VWA3B: variants seen among roughly 807,000 people sequenced by gnomAD.
VWA3B encodes the protein von Willebrand factor A domain containing 3B.
In VWA3B, 138 loss-of-function variants were observed where a neutral mutation model predicts 158.3. That is an observed-to-expected ratio of 0.87 (90% CI 0.76 to 1.00). VWA3B has a LOEUF of 1.00. Ranked by LOEUF, VWA3B falls within the 50% of genes least tolerant of loss-of-function variation. The pLI, the probability that VWA3B is intolerant of heterozygous loss-of-function variation, is 0.00. For synonymous variants in VWA3B, 596 were observed against 587.3 expected (o/e 1.01, Z -0.21); for missense variants, 1,555 against 1,565.1 (o/e 0.99, Z 0.11).
At chr2:98,316,749 A>G (rs539331422), downstream of VWA3B, among the ~76,000 whole-genome samples, 7 of 151,914 alleles carry the variant, frequency 4.6e-5, no homozygotes, top group East Asian at 1.4e-3. Flanking sequence ...CTTTAGTACC[A>G]TCCCTCCTGG....
chr2:98,145,222 A>G (rs749090797), intron 7 of VWA3B, among the ~76,000 whole-genome samples: 6 of 152,192 alleles, frequency 3.9e-5, no homozygotes, highest in Admixed American at 1.3e-4. Context: ...CTTGGATTGT[A>G]TCTTTAAATA....
chr2:98,295,474 C>T (rs1689746318), intron 23 of VWA3B, among the ~76,000 whole-genome samples: 1 of 152,196 alleles, frequency 6.6e-6, no homozygotes, highest in Non-Finnish European at 1.5e-5. Context: ...CATAGGAGCA[C>T]AGGCCCTTTC....
rs142622217 is a variant in VWA3B, at chr2:98,213,324, C to T, written c.1836+1296C>T. On this transcript the variant is annotated intron_variant, in intron 13 of 27. Transcript: ENST00000477737. ...TGGTGTCACCACAGAGAGGAACTCTCGGAGGAGCCGCCCACCCTACCCATC... is the reference window on the plus strand; with the variant it reads ...TGGTGTCACCACAGAGAGGAACTCTTGGAGGAGCCGCCCACCCTACCCATC... 4.2e-3 allele frequency among the ~76,000 whole-genome samples: 647 copies of T among 152,258 alleles called. 2 individuals carry two copies. Among genetic ancestry groups the T allele is most frequent in the African/African-American group, 0.015 (606 of 41,548 alleles).
At chr2:98,232,489 G>C (rs908128133) in intron 16 of VWA3B, among the ~76,000 whole-genome samples, 3 of 152,054 alleles carry the variant, frequency 2.0e-5, no homozygotes, top group African/African-American at 4.8e-5. Context: ...ATCCTTGTCA[G>C]ATAATTCCAG....
the VWA3B span, among the ~76,000 whole-genome samples, chr2:98,323,191 T>C: frequency 2.8e-4 from 43 of 152,208 alleles, 1 homozygote; most frequent in South Asian, 4.4e-3. Context: ...GTAGCTACTA[T>C]AAAAGAAAGA....
chr2:98,133,960 G>A, intron 7 of VWA3B, 21 bp downstream of exon 7: 1 of 1,604,316 alleles, frequency 6.2e-7, no homozygotes, highest in Non-Finnish European at 8.5e-7. Context: ...TCCAAAAGAA[G>A]TGGTGTAGCT....
intron 2 of VWA3B, among the ~76,000 whole-genome samples, chr2:98,101,074 T>G (rs1683044427): frequency 6.6e-6 from 1 of 152,242 alleles, no homozygotes; most frequent in Non-Finnish European, 1.5e-5. Flanking sequence ...AGCCAATGTC[T>G]TGTTCATCTC....
chr2:98,153,101 G>A (rs374882819), intron 7 of VWA3B, among the ~76,000 whole-genome samples: 37 of 152,234 alleles, frequency 2.4e-4, no homozygotes, highest in East Asian at 9.6e-4. Flanking sequence ...CTCGTCTCTA[G>A]CCTGTACTCA....
At chr2:98,161,718 G>C (rs1205758269) in intron 7 of VWA3B, among the ~76,000 whole-genome samples, 1 of 151,926 alleles carries the variant, frequency 6.6e-6, no homozygotes, top group Non-Finnish European at 1.5e-5. Context: ...GTCTCATTCT[G>C]TCTCCTGGGC....
At chr2:98,195,449 C>A (rs1681962496) in intron 12 of VWA3B, among the ~76,000 whole-genome samples, 1 of 152,152 alleles carries the variant, frequency 6.6e-6, no homozygotes, top group Non-Finnish European at 1.5e-5. Flanking sequence ...AAAATCTGTT[C>A]TATAAGAAAT....
chr2:98,209,334 G>A (rs1000422479), intron 12 of VWA3B, among the ~76,000 whole-genome samples: 1 of 151,986 alleles, frequency 6.6e-6, no homozygotes, highest in African/African-American at 2.4e-5. Context: ...AGGCTAGAGT[G>A]TGGTGGCGCG....
chr2:98,209,864 G>A (rs1217024180), intron 12 of VWA3B, among the ~76,000 whole-genome samples: 8 of 152,134 alleles, frequency 5.3e-5, no homozygotes, highest in Non-Finnish European at 1.0e-4. Context: ...TTTATTCGGC[G>A]CAGTCGCTGT....
At chr2:98,274,702 A>G (rs1688416079) in intron 22 of VWA3B, among the ~76,000 whole-genome samples, 1 of 152,204 alleles carries the variant, frequency 6.6e-6, no homozygotes, top group Non-Finnish European at 1.5e-5. Context: ...GGTTTTCAGC[A>G]AGTCAAGGAC....
At chr2:98,116,803 G>A (rs1674572413) in intron 3 of VWA3B, among the ~76,000 whole-genome samples, 1 of 152,214 alleles carries the variant, frequency 6.6e-6, no homozygotes, top group Non-Finnish European at 1.5e-5. Context: ...CAGATTACAT[G>A]TGTAAGGCAT....
intron 8 of VWA3B, among the ~76,000 whole-genome samples, chr2:98,166,950 G>A (rs1380138705): frequency 2.6e-5 from 4 of 152,082 alleles, no homozygotes; most frequent in Admixed American, 2.0e-4. Context: ...CTCAGCTTTC[G>A]TAGCTTCAAT....
intron 26 of VWA3B, among the ~76,000 whole-genome samples, chr2:98,307,381 A>T (rs1690590682): frequency 6.6e-6 from 1 of 152,208 alleles, no homozygotes; most frequent in Non-Finnish European, 1.5e-5. Flanking sequence ...GCAACTTAGA[A>T]CTTTTTTAAA....
intron 22 of VWA3B, among the ~76,000 whole-genome samples, chr2:98,281,047 G>A (rs553718710): frequency 1.8e-4 from 28 of 152,306 alleles, no homozygotes; most frequent in African/African-American, 6.3e-4. Flanking sequence ...TGGGCCACTC[G>A]CTCCCCGCCC....
intron 9 of VWA3B, among the ~76,000 whole-genome samples, chr2:98,182,865 G>A (rs1013590104): frequency 3.3e-5 from 5 of 152,156 alleles, no homozygotes; most frequent in South Asian, 2.1e-4. Context: ...CCAAGATTGC[G>A]CCATTGCACT....
At chr2:98,172,792 T>C (rs180977912) in intron 8 of VWA3B, among the ~76,000 whole-genome samples, 54 of 152,222 alleles carry the variant, frequency 3.5e-4, no homozygotes, top group Non-Finnish European at 6.8e-4. Context: ...ACACATTTTG[T>C]TTGAACCTAT....
Sources: gnomAD v4.1 joint callset for allele counts (sites outside exome capture counted in the v4.1 genomes callset) on GRCh38, gnomAD v4.1.1 for gene constraint, MANE v1.5 for transcripts, NCBI Gene and HGNC (gene_info 2026-07-23, HGNC 2026-07-21) for gene names.